CELSR3: variants seen among roughly 807,000 people sequenced by gnomAD.
CELSR3 encodes the protein EGF-like protein 1.
A neutral mutation model predicts 270.0 loss-of-function variants in CELSR3; 73 were observed. The observed-to-expected ratio is 0.27, with a 90% CI of 0.22 to 0.33. The LOEUF (loss-of-function observed/expected upper bound fraction) is 0.33, where lower values mean the gene tolerates loss of function less well. Among genes scored for constraint, CELSR3 ranks in the 10% least tolerant of loss-of-function variants. CELSR3 has a pLI of 1.00. For synonymous variants in CELSR3, 1,780 were observed against 1,905.4 expected (o/e 0.93, Z 1.71); for missense variants, 3,614 against 4,533.8 (o/e 0.80, Z 5.83).
Position 48,658,736 on chromosome 3 carries a change from C to A in CELSR3, c.3748+151G>T. The A allele has an allele frequency of 1.2e-6, 1 of 867,222 alleles. No individual in the cohort carries two copies. The highest frequency in any genetic ancestry group is 1.8e-6 in the Non-Finnish European group (1 of 569,932). 53.7% of individuals were successfully genotyped at this position (867,222 alleles called of 1,614,324 possible). On this transcript the variant is annotated intron_variant, in intron 1 of 34. Coordinates refer to ENST00000164024, the MANE Select transcript of CELSR3 (RefSeq NM_001407.3). This position sits in a 1 kb window ranked among gnomAD's most constrained non-coding sequence, Gnocchi z 4.7. ...AACCTAAGCAGAGTCCTTGTGAGGT[C>A]TGTGGCAGATCTTGTAGGGTGCAGG...
rs952828341 is a variant in CELSR3, at chr3:48,646,289, G to A, written c.7296-32C>T. Reference sequence around the variant, plus strand: ...AGACACCCATCTGGGCTTACGCACTGCTGACCTCCCCATGCTCAGCCTGCT... The same window carrying A: ...AGACACCCATCTGGGCTTACGCACTACTGACCTCCCCATGCTCAGCCTGCT... On this transcript the variant is annotated intron_variant, in intron 21 of 34. Coordinates refer to ENST00000164024, the MANE Select transcript of CELSR3 (RefSeq NM_001407.3). The surrounding 1 kb of genome is among the most constrained non-coding windows in gnomAD (Gnocchi z 4.8). 28 of 1,588,080 alleles carry A rather than the reference G, an allele frequency of 1.8e-5. No homozygotes were observed. The highest frequency in any genetic ancestry group is 2.4e-5 in the Non-Finnish European group (28 of 1,164,436).
chr3:48,648,252 C>CCCCCCAA lies in CELSR3; in HGVS notation c.6973+13_6973+14insTTGGGGG. On this transcript the variant is annotated intron_variant, in intron 19 of 34. Transcript: ENST00000164024. ...CCCCCTGCTGTGCCCCGCCCTACCCCACCCACAACGCACTGATATTAGGCG... is the reference window on the plus strand; with the variant it reads ...CCCCCTGCTGTGCCCCGCCCTACCCCCCCCCAAACCCACAACGCACTGATATTAGGCG... The CCCCCCAA allele has an allele frequency of 6.3e-7, 1 of 1,577,574 alleles. No homozygotes were observed. The highest frequency in any genetic ancestry group is 8.7e-7 in the Non-Finnish European group (1 of 1,151,432).
rs1233527173 is a variant in CELSR3, at chr3:48,640,584, C to G, written c.9026-25G>C. The G allele has an allele frequency of 2.3e-5, 34 of 1,470,686 alleles. No individual in the cohort carries two copies. The highest frequency in any genetic ancestry group is 8.8e-5 in the Admixed American group (4 of 45,410). 91.1% of individuals were successfully genotyped at this position (1,470,686 alleles called of 1,614,324 possible). On this transcript the variant is annotated intron_variant, in intron 33 of 34. Transcript: ENST00000164024. This position sits in a 1 kb window ranked among gnomAD's most constrained non-coding sequence, Gnocchi z 7.5. ...CCTGTGAGAGGAAGAAAATGGGGGG[C>G]AGGGTTTGTGTGGGAGGGGGAGGGC... is the stretch of plus-strand genomic sequence containing the variant.
intron 27 of CELSR3, 39 bp from the exon 28 acceptor site, chr3:48,643,716 AG>A (rs1257931188): frequency 1.9e-6 from 3 of 1,548,148 alleles, no homozygotes; most frequent in Non-Finnish European, 1.7e-6. Flanking sequence ...AGGACATGCA[AG>A]GCTCATGTAG....
At position 48,640,037 on chromosome 3, in the gene CELSR3, T is replaced by G. The variant is rs1235301719; in HGVS notation, c.9548A>C (p.Asp3183Ala). Residue 3183 changes from aspartate (D) to alanine (A), a missense_variant, in exon 34 of 35, where the codon GAC becomes GCC. By Grantham distance (126) the Asp-to-Ala change is moderately radical. Transcript: ENST00000164024. The surrounding 1 kb of genome is among the most constrained non-coding windows in gnomAD (Gnocchi z 7.5). The stretch of plus-strand genomic sequence containing the variant: ...CAGCGGCCGGGATGGCAAGAGGGGG[T>G]CCCTTGAGAGTTGCCGCTGGGGAGA... Reference protein sequence around the residue: ...PLSPQRQLSRDPLLPSRPLDS... With the variant: ...PLSPQRQLSRAPLLPSRPLDS... 1 of 1,610,084 alleles carries G rather than the reference T, an allele frequency of 6.2e-7. No individual in the cohort carries two copies. The highest frequency in any genetic ancestry group is 8.5e-7 in the Non-Finnish European group (1 of 1,179,500).
Position 48,656,741 on chromosome 3 carries a change from C to A in CELSR3, c.4356G>T (p.Arg1452=). 1 of 1,529,962 alleles carries A rather than the reference C, an allele frequency of 6.5e-7. No individual in the cohort carries two copies. The allele number at this position is 1,529,962 out of a possible 1,614,324, so 94.8% of individuals were successfully genotyped here. ...AGACGCACGTGTAGCCTCCCTCGCG[C>A]CGCGCGCAGGCTCCGCCGTTGCGAC... is the stretch of plus-strand genomic sequence containing the variant. ...NPCRNGGACA[R]REGGYTCVCR... The change falls in exon 2 of 35, where the codon CGG becomes CGT. Residue 1452 remains arginine (R), a synonymous_variant. Coordinates refer to ENST00000164024, the MANE Select transcript of CELSR3 (RefSeq NM_001407.3).
rs2047173099 is a variant in CELSR3, at chr3:48,655,529, G to A, written c.4742-135C>T. 6.2e-6 allele frequency: 6 copies of A among 967,092 alleles called. No individual in the cohort carries two copies. The highest frequency in any genetic ancestry group is 9.7e-6 in the Non-Finnish European group (6 of 621,438). 59.9% of individuals were successfully genotyped at this position (967,092 alleles called of 1,614,324 possible). A position where few individuals can be genotyped will look rare whatever the true frequency, so the allele number is the denominator to read the frequency against. ...CCCCCACTGGTGACCACAATGGCTG[G>A]CTCAGAGTGCCTTTGAACAGACAGG... On this transcript the variant is annotated intron_variant, in intron 4 of 34. Transcript: ENST00000164024. The surrounding 1 kb of genome is among the most constrained non-coding windows in gnomAD (Gnocchi z 5.8).
Position 48,650,872 on chromosome 3 carries a change from G to A in CELSR3, c.6370+20C>T, listed in dbSNP as rs2106710927. The A allele has an allele frequency of 6.2e-7, 1 of 1,606,784 alleles. No homozygotes were observed. Among genetic ancestry groups the A allele is most frequent in the African/African-American group, 1.3e-5 (1 of 74,914 alleles). On this transcript the variant is annotated intron_variant, in intron 15 of 34. Coordinates refer to ENST00000164024, the MANE Select transcript of CELSR3 (RefSeq NM_001407.3). This position sits in a 1 kb window ranked among gnomAD's most constrained non-coding sequence, Gnocchi z 5.1. Reference sequence around the variant, plus strand: ...CTGGAACCAGCCCTCTATGGGTGGAGCTGGGTGGAGCCTGCTCACCCCGGC... The same window carrying A: ...CTGGAACCAGCCCTCTATGGGTGGAACTGGGTGGAGCCTGCTCACCCCGGC...
At position 48,660,805 on chromosome 3, in the gene CELSR3, G is replaced by C; in HGVS notation, c.1830C>G (p.Phe610Leu). The C allele has an allele frequency of 6.2e-7, 1 of 1,614,078 alleles. No individual in the cohort carries two copies. The highest frequency in any genetic ancestry group is 8.5e-7 in the Non-Finnish European group (1 of 1,180,026). The change falls in exon 1 of 35, where the codon TTC becomes TTG. Residue 610 changes from phenylalanine (F) to leucine (L), a missense_variant. By Grantham distance (22) the Phe-to-Leu change is conservative (BLOSUM62 0). Transcript: ENST00000164024. The surrounding 1 kb of genome is among the most constrained non-coding windows in gnomAD (Gnocchi z 5.5). Reference protein sequence around the residue: ...GEIQVVAPLDFEAEREYALRI... With the variant: ...GEIQVVAPLDLEAEREYALRI... ...GCAAGGCATACTCTCTCTCTGCCTCGAAGTCCAGAGGTGCCACCACCTGGA... is the reference window on the plus strand; with the variant it reads ...GCAAGGCATACTCTCTCTCTGCCTCCAAGTCCAGAGGTGCCACCACCTGGA...
chr3:48,652,901 C>T lies in CELSR3; in HGVS notation c.5634+101G>A. ...TAGGGGTAGAACATCAGACTCAGTG[C>T]AGTGGAGGGAACTGAGAGGAGCTGG... On this transcript the variant is annotated intron_variant, in intron 10 of 34. Coordinates refer to ENST00000164024, the MANE Select transcript of CELSR3 (RefSeq NM_001407.3). The surrounding 1 kb of genome is among the most constrained non-coding windows in gnomAD (Gnocchi z 4.3). 1 of 968,578 alleles carries T rather than the reference C, an allele frequency of 1.0e-6. No homozygotes were observed. The highest frequency in any genetic ancestry group is 1.6e-6 in the Non-Finnish European group (1 of 620,216). The allele number at this position is 968,578 out of a possible 1,614,324, so 60.0% of individuals were successfully genotyped here.
Position 48,661,119 on chromosome 3 carries a change from T to C in CELSR3, c.1516A>G (p.Met506Val), listed in dbSNP as rs753318004. 8 of 1,611,528 alleles carry C rather than the reference T, an allele frequency of 5.0e-6. No homozygotes were observed. In the South Asian group the frequency reaches 5.5e-5, roughly 11 times the overall value. ...STSGRVDREH[M>V]ESYELVVEAS... is the part of the protein sequence containing the mutation. Reference sequence around the variant, plus strand: ...TCCACCACCAGCTCATAGCTTTCCATGTGCTCGCGGTCCACTCGGCCGCTG... The same window carrying C: ...TCCACCACCAGCTCATAGCTTTCCACGTGCTCGCGGTCCACTCGGCCGCTG... The change falls in exon 1 of 35, where the codon ATG (methionine) becomes GTG (valine). Residue 506 changes from methionine to valine, a missense_variant. This residue lies in a region of CELSR3 where 354 missense variants were observed against 500.9 expected (regional missense o/e 0.71). Coordinates refer to ENST00000164024, the MANE Select transcript of CELSR3 (RefSeq NM_001407.3).
Position 48,645,917 on chromosome 3 carries a change from G to C in CELSR3, c.7464-49C>G, listed in dbSNP as rs547905986. On this transcript the variant is annotated intron_variant, in intron 22 of 34. Coordinates refer to ENST00000164024, the MANE Select transcript of CELSR3 (RefSeq NM_001407.3). This position sits in a 1 kb window ranked among gnomAD's most constrained non-coding sequence, Gnocchi z 5.4. ...ACAACTGTGACCCAGTGTCAGGCAG[G>C]GGTTTGTGAGAGATCATGGGAAGGG... The C allele has an allele frequency of 6.3e-7, 1 of 1,578,744 alleles. No individual in the cohort carries two copies. The highest frequency in any genetic ancestry group is 8.6e-7 in the Non-Finnish European group (1 of 1,159,354).
chr3:48,643,443 G>A (rs965554631), intron 28 of CELSR3, 111 bp downstream of exon 28: 14 of 1,414,638 alleles, frequency 9.9e-6, no homozygotes, highest in Non-Finnish European at 1.3e-5. Flanking sequence ...GCCTGGCAAA[G>A]TTATCCAGTA....
chr3:48,644,266 G>A lies in CELSR3; in HGVS notation c.8115C>T (p.Ala2705=), dbSNP rs1488955294. 3 of 1,613,182 alleles carry A rather than the reference G, an allele frequency of 1.9e-6. No individual in the cohort carries two copies. Among genetic ancestry groups the A allele is most frequent in the Admixed American group, 1.7e-5 (1 of 59,996 alleles). Residue 2705 remains alanine (A), a synonymous_variant, in exon 27 of 35, where the codon GCC becomes GCT. Transcript: ENST00000164024. This position sits in a 1 kb window ranked among gnomAD's most constrained non-coding sequence, Gnocchi z 4.8. The part of the protein sequence containing the change: ...VMNGTMFLLA[A]RTSCSTGQRE... ...TCTGCCCTGTGGAGCAGGATGTGCG[G>A]GCAGCGAGGAGAAACATGGTCCCGT...
In CELSR3 at chr3:48,659,420, A is replaced by G; in HGVS notation, c.3215T>C (p.Phe1072Ser). ...DNAPVFPAEE[F>S]EVRVKENSIV... Reference sequence around the variant, plus strand: ...GCTATTCTCTTTCACCCGCACCTCAAACTCCTCAGCTGGGAAGACAGGTGC... The same window carrying G: ...GCTATTCTCTTTCACCCGCACCTCAGACTCCTCAGCTGGGAAGACAGGTGC... Residue 1072 changes from phenylalanine (F) to serine (S), a missense_variant, in exon 1 of 35, where the codon TTT becomes TCT. Phe to Ser is a radical substitution (Grantham distance 155, BLOSUM62 -2). Around this residue, in one of 7 missense-constraint regions of CELSR3, gnomAD observed 1,331 missense variants for 1,933.7 expected, o/e 0.69. Coordinates refer to ENST00000164024, the MANE Select transcript of CELSR3 (RefSeq NM_001407.3). The surrounding 1 kb of genome is among the most constrained non-coding windows in gnomAD (Gnocchi z 8.1). 2 of 1,614,070 alleles carry G rather than the reference A, an allele frequency of 1.2e-6. No individual in the cohort carries two copies. Among genetic ancestry groups the G allele is most frequent in the Non-Finnish European group, 1.7e-6 (2 of 1,180,014 alleles).
chr3:48,662,294 C>A lies in CELSR3; in HGVS notation c.341G>T (p.Gly114Val), dbSNP rs765041262. The A allele has an allele frequency of 6.2e-7, 1 of 1,612,990 alleles. No individual in the cohort carries two copies. The highest frequency in any genetic ancestry group is 1.3e-5 in the African/African-American group (1 of 74,944). Residue 114 changes from glycine (G) to valine (V), a missense_variant, in exon 1 of 35, where the codon GGC becomes GTC. Coordinates refer to ENST00000164024, the MANE Select transcript of CELSR3 (RefSeq NM_001407.3). The surrounding 1 kb of genome is among the most constrained non-coding windows in gnomAD (Gnocchi z 7.1). ...TTCGCGGCTGCCCAATGGCTGGACG[C>A]CGTGTTCAATCCCCAGCTCCTCATT... ...QPNEELGIEH[G>V]VQPLGSRERE...
rs752165171 is a variant in CELSR3, at chr3:48,646,043, T to C, written c.7463+47A>G. 5.1e-5 allele frequency: 81 copies of C among 1,600,522 alleles called. No individual in the cohort carries two copies. The highest frequency in any genetic ancestry group is 6.2e-5 in the Non-Finnish European group (73 of 1,172,028). ...GGAAGGCTGGGACTATTAGTTGGCC[T>C]CCCAAGGGCTAACGGGACCAAGGGT... On this transcript the variant is annotated intron_variant, in intron 22 of 34. Coordinates refer to ENST00000164024, the MANE Select transcript of CELSR3 (RefSeq NM_001407.3). This position sits in a 1 kb window ranked among gnomAD's most constrained non-coding sequence, Gnocchi z 4.8.
chr3:48,650,743 T>C lies in CELSR3; in HGVS notation c.6370+149A>G. 1.9e-6 allele frequency: 2 copies of C among 1,056,016 alleles called. No homozygotes were observed. The highest frequency in any genetic ancestry group is 3.2e-5 in the South Asian group (2 of 61,722). 65.4% of individuals were successfully genotyped at this position (1,056,016 alleles called of 1,614,324 possible). A position where few individuals can be genotyped will look rare whatever the true frequency, so the allele number is the denominator to read the frequency against. ...ATTCTGTGACAGGTCAGCAAAGTAC[T>C]TGGGGCAAAGGTAGGGTTCCCTGGG... On this transcript the variant is annotated intron_variant, in intron 15 of 34. Coordinates refer to ENST00000164024, the MANE Select transcript of CELSR3 (RefSeq NM_001407.3). The surrounding 1 kb of genome is among the most constrained non-coding windows in gnomAD (Gnocchi z 5.1).
In CELSR3 at chr3:48,642,575, G is replaced by C. The variant is rs941711867; in HGVS notation, c.8556-108C>G. ...CAGCTGCGGGTGGAATGGCATCCCT[G>C]GGTGTGTGTGGTGGGAAGCATTTAG... On this transcript the variant is annotated intron_variant, in intron 30 of 34. Coordinates refer to ENST00000164024, the MANE Select transcript of CELSR3 (RefSeq NM_001407.3). The surrounding 1 kb of genome is among the most constrained non-coding windows in gnomAD (Gnocchi z 6.1). The C allele has an allele frequency of 5.6e-6, 8 of 1,426,282 alleles. No homozygotes were observed. The allele number at this position is 1,426,282 out of a possible 1,614,324, so 88.4% of individuals were successfully genotyped here. A position where few individuals can be genotyped will look rare whatever the true frequency, so the allele number is the denominator to read the frequency against.
Sources: allele counts gnomAD v4.1 joint callset, GRCh38; gene constraint gnomAD v4.1.1; regional missense constraint gnomAD v4.1.1; non-coding constraint Gnocchi (gnomAD v3.1); transcripts MANE v1.5; gene names NCBI Gene and HGNC (gene_info 2026-07-23, HGNC 2026-07-21).